NCAPD3: variants seen among roughly 807,000 people sequenced by gnomAD.
NCAPD3 encodes the protein non-SMC condensin II complex subunit D3.
In NCAPD3, 105 loss-of-function variants were observed where a neutral mutation model predicts 182.9. The observed-to-expected ratio is 0.57, with a 90% CI of 0.49 to 0.68. The LOEUF (loss-of-function observed/expected upper bound fraction) is 0.68, where lower values mean the gene tolerates loss of function less well. Among genes scored for constraint, NCAPD3 ranks in the 30% least tolerant of loss-of-function variants. The probability of loss-of-function intolerance (pLI) is 0.00; values close to 1 mark genes in which losing one functional copy is unlikely to be tolerated. For synonymous variants in NCAPD3, 815 were observed against 679.9 expected, an observed-to-expected ratio of 1.20 and a Z score of -3.09; for missense variants, 1,944 against 1,837.0, an observed-to-expected ratio of 1.06 and a Z score of -1.07.
chr11:134,158,193 A>G (rs1943479511), intron 30 of NCAPD3, 126 bp from the exon 31 acceptor site: 5 of 1,519,584 alleles, frequency 3.3e-6, no homozygotes, highest in Admixed American at 1.8e-5. Flanking sequence ...CAAACCTCCC[A>G]GGGCACAGTG....
At chr11:134,209,866 C>T (rs1042299658) in intron 4 of NCAPD3, 7 of 218,778 alleles carry the variant, frequency 3.2e-5, no homozygotes, top group Admixed American at 3.1e-4. Context: ...ACCAGCCTGG[C>T]CAACATGGTG....
intron 13 of NCAPD3, among the ~76,000 whole-genome samples, chr11:134,202,553 T>C (rs1436962126): frequency 1.3e-5 from 2 of 151,756 alleles, no homozygotes; most frequent in Non-Finnish European, 2.9e-5. Flanking sequence ...GATTTTTATA[T>C]ATATTTTTTA....
At chr11:134,178,799 G>A (rs768530082) in intron 21 of NCAPD3, 23 bp downstream of exon 21, 1 of 1,612,812 alleles carries the variant, frequency 6.2e-7, no homozygotes, top group South Asian at 1.1e-5. Flanking sequence ...GCGTGCTACA[G>A]AGTATGATTT....
In NCAPD3 at chr11:134,159,974, T is replaced by A; in HGVS notation, c.3785A>T (p.Gln1262Leu). The part of the protein sequence containing the change: ...LEYDMKKYQE[Q>L]LVQEQELAKH... ...TGCTAGCTCCTGCTCCTGGACCAGC[T>A]GTTCCTGGTACTTCTTCATGTCATA... is the stretch of plus-strand genomic sequence containing the variant. The change falls in exon 29 of 35, where the codon CAG becomes CTG. Residue 1262 changes from glutamine (Q) to leucine (L), a missense_variant. Gln to Leu is a moderately radical substitution (Grantham distance 113, BLOSUM62 -2). Around this residue, in one of 3 missense-constraint regions of NCAPD3, gnomAD observed 1,803 missense variants for 1,674.6 expected, o/e 1.08. Transcript: ENST00000534548. 1 of 1,614,184 alleles carries A rather than the reference T, an allele frequency of 6.2e-7. No individual in the cohort carries two copies. Among genetic ancestry groups the A allele is most frequent in the South Asian group, 1.1e-5 (1 of 91,076 alleles).
intron 3 of NCAPD3, among the ~76,000 whole-genome samples, chr11:134,212,375 TTGTGTGTG>T (rs56807520): frequency 4.9e-5 from 7 of 143,270 alleles, no homozygotes; most frequent in South Asian, 2.3e-4. Flanking sequence ...TTTTGTTGTT[TTGTGTGTG>T]TGTGTGTGTG....
intron 16 of NCAPD3, among the ~76,000 whole-genome samples, chr11:134,192,286 G>C (rs1294312756): frequency 1.3e-5 from 2 of 152,230 alleles, no homozygotes; most frequent in African/African-American, 4.8e-5. Context: ...AGGGGAAAAA[G>C]CCTGCAGTGT....
At chr11:134,163,159 T>C (rs551722930) in intron 27 of NCAPD3, among the ~76,000 whole-genome samples, 1 of 152,172 alleles carries the variant, frequency 6.6e-6, no homozygotes, top group Admixed American at 6.5e-5. Flanking sequence ...AGAATCAGGG[T>C]TTATTCAGAA....
chr11:134,169,977 CA>C (rs1221698523), intron 24 of NCAPD3, among the ~76,000 whole-genome samples: 1 of 152,194 alleles, frequency 6.6e-6, no homozygotes, highest in East Asian at 1.9e-4. Flanking sequence ...AAAGACTGTC[CA>C]AACAGCAGAC....
At chr11:134,167,802 AGAT>A (rs1471741366) in intron 27 of NCAPD3, among the ~76,000 whole-genome samples, 191 bp downstream of exon 27, 1 of 130,050 alleles carries the variant, frequency 7.7e-6, no homozygotes, top group Non-Finnish European at 1.6e-5. Context: ...CACACTCGTG[AGAT>A]GAGCTTAGGG....
chr11:134,209,495 G>T lies in NCAPD3; in HGVS notation c.568-18C>A. 6.3e-7 allele frequency: 1 copy of T among 1,598,020 alleles called. No individual in the cohort carries two copies. The highest frequency in any genetic ancestry group is 2.2e-5 in the East Asian group (1 of 44,762). On this transcript the variant is annotated intron_variant, in intron 4 of 34. Transcript: ENST00000534548. Reference sequence around the variant, plus strand: ...TCATCCATCTAGATTATGAAGAAATGTACAGGTGACTGTAATAAATGCCAA... The same window carrying T: ...TCATCCATCTAGATTATGAAGAAATTTACAGGTGACTGTAATAAATGCCAA...
intron 29 of NCAPD3, among the ~76,000 whole-genome samples, chr11:134,158,809 C>G (rs1943501464): frequency 6.6e-6 from 1 of 152,188 alleles, no homozygotes; most frequent in South Asian, 2.1e-4. Context: ...TAACCAACTT[C>G]TCTTCATCCC....
chr11:134,207,459 A>G (rs959611634), intron 7 of NCAPD3, among the ~76,000 whole-genome samples: 11 of 152,128 alleles, frequency 7.2e-5, no homozygotes, highest in African/African-American at 2.7e-4. Context: ...AATTAAAAAA[A>G]AATACCGACT....
chr11:134,163,724 TAGCC>T (rs1385699230), intron 27 of NCAPD3, among the ~76,000 whole-genome samples: 6 of 136,064 alleles, frequency 4.4e-5, no homozygotes, highest in Non-Finnish European at 9.3e-5. Flanking sequence ...AAAAAAAAGT[TAGCC>T]AGGCACAGTG....
chr11:134,162,914 G>A (rs917146012), intron 27 of NCAPD3, among the ~76,000 whole-genome samples: 8 of 152,178 alleles, frequency 5.3e-5, no homozygotes, highest in Non-Finnish European at 7.4e-5. Flanking sequence ...GAGATGGGAT[G>A]CCTAAGGAGT....
chr11:134,202,758 T>TA (rs1944775548), intron 13 of NCAPD3, 58 bp downstream of exon 13: 10 of 1,333,050 alleles, frequency 7.5e-6, no homozygotes, highest in Non-Finnish European at 8.4e-6. Flanking sequence ...AGACTCTACT[T>TA]ACGGTTGTCT....
chr11:134,153,213 C>T lies in NCAPD3; in HGVS notation c.4328-13G>A. The T allele has an allele frequency of 6.2e-7, 1 of 1,613,690 alleles. No homozygotes were observed. ...CCTTCAATTTTCTCTAAAAGGGAGT[C>T]AAACAAACACATTCAGCTTTCCCAG... On this transcript the variant is annotated splice_polypyrimidine_tract_variant and intron_variant, in intron 33 of 34. Coordinates refer to ENST00000534548, the MANE Select transcript of NCAPD3 (RefSeq NM_015261.3).
chr11:134,158,893 T>C (rs942780581), intron 29 of NCAPD3, among the ~76,000 whole-genome samples: 2 of 152,242 alleles, frequency 1.3e-5, no homozygotes, highest in Non-Finnish European at 2.9e-5. Flanking sequence ...TCAACCTTTT[T>C]GGCTCACATA....
chr11:134,183,168 ATT>A (rs1429787084), intron 19 of NCAPD3: 1 of 456,314 alleles, frequency 2.2e-6, no homozygotes, highest in East Asian at 6.9e-5. Context: ...TGAAAAGAAA[ATT>A]AGGAAAAAGT....
At chr11:134,156,584 C>T (rs1032881649) in intron 32 of NCAPD3, among the ~76,000 whole-genome samples, 30 of 152,182 alleles carry the variant, frequency 2.0e-4, no homozygotes, top group Non-Finnish European at 3.5e-4. Flanking sequence ...AGCAGGGGTC[C>T]CCGGGTCTCT....
Sources: allele counts gnomAD v4.1 joint callset (sites outside exome capture counted in the v4.1 genomes callset), GRCh38; gene constraint gnomAD v4.1.1; regional missense constraint gnomAD v4.1.1; transcripts MANE v1.5; gene names NCBI Gene and HGNC (gene_info 2026-07-23, HGNC 2026-07-21).